The following RCAN2 variants were observed in gnomAD, a reference collection of about 807,000 sequenced individuals.
RCAN2 encodes calcipressin-2.
Under a neutral mutation model 23.6 loss-of-function variants are expected in RCAN2, and 9 were observed. The observed-to-expected ratio is 0.38, with a 90% CI of 0.23 to 0.67. The LOEUF is 0.67. Among genes scored for constraint, RCAN2 ranks in the 30% least tolerant of loss-of-function variants. The pLI, the probability that RCAN2 is intolerant of heterozygous loss-of-function variation, is 0.51. For missense variants in RCAN2, 273 were observed against 302.3 expected (o/e 0.90, Z 0.72); for synonymous variants, 109 against 115.7 (o/e 0.94, Z 0.37).
chr6:46,356,181 AG>A (rs1413755464), intron 2 of RCAN2, among the ~76,000 whole-genome samples: 1 of 152,220 alleles, frequency 6.6e-6, no homozygotes, highest in Non-Finnish European at 1.5e-5. Context: ...CCTGGAAAAG[AG>A]GGAACAGTCT....
intron 2 of RCAN2, among the ~76,000 whole-genome samples, chr6:46,341,546 C>T (rs895990897): frequency 1.3e-5 from 2 of 152,132 alleles, no homozygotes; most frequent in Non-Finnish European, 2.9e-5. Flanking sequence ...TGCCTGTAAT[C>T]CCACCACTTT....
chr6:46,466,298 T>G (rs532130954), intron 1 of RCAN2, among the ~76,000 whole-genome samples: 3 of 152,178 alleles, frequency 2.0e-5, no homozygotes, highest in African/African-American at 7.2e-5. Context: ...GGGCATGGAG[T>G]GCTGGAGAGA....
chr6:46,239,695 T>C (rs1766234887), intron 4 of RCAN2, among the ~76,000 whole-genome samples: 1 of 151,738 alleles, frequency 6.6e-6, no homozygotes, highest in Non-Finnish European at 1.5e-5. Flanking sequence ...AGGATGAGAG[T>C]GAGCAAGAGA....
chr6:46,235,958 T>G (rs1315151858), intron 4 of RCAN2, among the ~76,000 whole-genome samples: 4 of 152,216 alleles, frequency 2.6e-5, no homozygotes, highest in African/African-American at 9.6e-5. Flanking sequence ...ATCTCAGTTT[T>G]CCTCATCAAT....
intron 1 of RCAN2, among the ~76,000 whole-genome samples, chr6:46,486,541 G>C (rs1298762908): frequency 1.3e-5 from 2 of 152,102 alleles, no homozygotes; most frequent in Admixed American, 1.3e-4. Context: ...TAATATTTTG[G>C]AACAGGCAAA....
intron 2 of RCAN2, among the ~76,000 whole-genome samples, chr6:46,450,782 G>A (rs187349124): frequency 7.9e-5 from 12 of 152,166 alleles, no homozygotes; most frequent in Middle Eastern, 6.8e-3. Flanking sequence ...CAGGGGCTGG[G>A]AAGTTGTTGA....
intron 2 of RCAN2, among the ~76,000 whole-genome samples, chr6:46,301,272 T>G (rs935430992): frequency 7.9e-5 from 12 of 152,094 alleles, no homozygotes; most frequent in Admixed American, 7.9e-4. Flanking sequence ...CTCTGGTCCT[T>G]CCCAGTGTCT....
At chr6:46,354,386 A>G (rs184718826) in intron 2 of RCAN2, among the ~76,000 whole-genome samples, 12 of 152,288 alleles carry the variant, frequency 7.9e-5, no homozygotes, top group African/African-American at 2.9e-4. Context: ...TGAAATCTAA[A>G]TAAGTTCTGT....
At position 46,232,848 on chromosome 6, in the gene RCAN2, C is replaced by T. The variant is rs542700090; in HGVS notation, c.572-9547G>A. ...TATAGGGAAGCAAACCTGCAAATTC[C>T]GATTTAGTAGAATCTACATGTGTAC... On this transcript the variant is annotated intron_variant, in intron 4 of 4. Transcript: ENST00000371374. Among the ~76,000 whole-genome samples, 17 of 151,036 alleles carry T rather than the reference C, an allele frequency of 1.1e-4. No individual in the cohort carries two copies. In the South Asian group the frequency reaches 2.7e-3, roughly 24 times the overall value.
chr6:46,331,626 T>G (rs1023635759), intron 2 of RCAN2, among the ~76,000 whole-genome samples: 3 of 152,210 alleles, frequency 2.0e-5, no homozygotes, highest in African/African-American at 7.2e-5. Context: ...AGTCAGGCAT[T>G]TCTCCAAGGA....
intron 2 of RCAN2, among the ~76,000 whole-genome samples, chr6:46,448,419 C>A (rs1443284620): frequency 6.6e-6 from 1 of 151,712 alleles, no homozygotes; most frequent in African/African-American, 2.4e-5. Flanking sequence ...GAACTAAAAC[C>A]AATTATTCTC....
At chr6:46,396,551 T>C (rs1766092736) in intron 2 of RCAN2, among the ~76,000 whole-genome samples, 1 of 152,126 alleles carries the variant, frequency 6.6e-6, no homozygotes, top group Admixed American at 6.5e-5. Flanking sequence ...ACCTGCTCCT[T>C]TTGATCTGGT....
At chr6:46,235,423 G>C (rs191161581) in intron 4 of RCAN2, among the ~76,000 whole-genome samples, 1 of 152,160 alleles carries the variant, frequency 6.6e-6, no homozygotes, top group Admixed American at 6.6e-5. Flanking sequence ...CTTCTTTCCA[G>C]GACATTCTTT....
At chr6:46,368,259 G>T (rs985068451) in intron 2 of RCAN2, among the ~76,000 whole-genome samples, 3 of 152,188 alleles carry the variant, frequency 2.0e-5, no homozygotes, top group African/African-American at 7.2e-5. Flanking sequence ...TTGTGTTTCA[G>T]TTTTAAAATG....
chr6:46,444,536 C>G (rs757828542), intron 2 of RCAN2, among the ~76,000 whole-genome samples: 1 of 152,192 alleles, frequency 6.6e-6, no homozygotes, highest in Non-Finnish European at 1.5e-5. Context: ...GCCCCAGGCC[C>G]CAGGTCAGCC....
chr6:46,240,616 G>A (rs1236480291), intron 4 of RCAN2, among the ~76,000 whole-genome samples: 2 of 152,136 alleles, frequency 1.3e-5, no homozygotes, highest in African/African-American at 4.8e-5. Context: ...TTTGTGATCA[G>A]AGAATACAGC....
At chr6:46,264,394 G>A (rs1200382773) in intron 2 of RCAN2, among the ~76,000 whole-genome samples, 1 of 152,146 alleles carries the variant, frequency 6.6e-6, no homozygotes, top group Non-Finnish European at 1.5e-5. Context: ...CTTTTAAGAT[G>A]CAGATATAAG....
chr6:46,441,743 G>C (rs1403071308), intron 2 of RCAN2, among the ~76,000 whole-genome samples: 1 of 151,960 alleles, frequency 6.6e-6, no homozygotes, highest in Non-Finnish European at 1.5e-5. Flanking sequence ...AACAGAAACT[G>C]ATAAAACTAA....
chr6:46,305,689 C>T (rs1251648755), intron 2 of RCAN2, among the ~76,000 whole-genome samples: 1 of 152,020 alleles, frequency 6.6e-6, no homozygotes, highest in Non-Finnish European at 1.5e-5. Flanking sequence ...ATTTATTCAA[C>T]AATCGACCTG....
Sources: gnomAD v4.1 joint callset for allele counts (sites outside exome capture counted in the v4.1 genomes callset) on GRCh38, gnomAD v4.1.1 for gene constraint, MANE v1.5 for transcripts, NCBI Gene and HGNC (gene_info 2026-07-23, HGNC 2026-07-21) for gene names.